CCZ1: variants seen among roughly 807,000 people sequenced by gnomAD.
CCZ1 encodes the protein vacuolar fusion protein CCZ1 homolog.
A neutral mutation model predicts 57.8 loss-of-function variants in CCZ1; 19 were observed. The observed-to-expected ratio is 0.33, with a 90% CI of 0.23 to 0.48. The LOEUF (loss-of-function observed/expected upper bound fraction) is 0.48, where lower values mean the gene tolerates loss of function less well. Ranked by LOEUF, CCZ1 falls within the 20% of genes least tolerant of loss-of-function variation. The pLI, the probability that CCZ1 is intolerant of heterozygous loss-of-function variation, is 0.99. For synonymous variants in CCZ1, 81 were observed against 167.0 expected (o/e 0.49, Z 3.97); for missense variants, 200 against 492.0 (o/e 0.41, Z 5.61).
chr7:5,916,731 TG>T (rs1779157429), intron 10 of CCZ1, among the ~76,000 whole-genome samples: 1 of 146,514 alleles, frequency 6.8e-6, no homozygotes, highest in Non-Finnish European at 1.5e-5. Flanking sequence ...TGGCCCCACA[TG>T]GCCAGCCTTA....
intron 1 of CCZ1, among the ~76,000 whole-genome samples, chr7:5,899,343 G>GTGTGTA: frequency 8.1e-5 from 1 of 12,306 alleles, no homozygotes; most frequent in African/African-American, 2.5e-4. Flanking sequence ...GGGTGTGTGT[G>GTGTGTA]TGTGTGTGTG....
chr7:5,902,705 C>G lies in CCZ1; in HGVS notation c.483C>G (p.Val161=), dbSNP rs957369411. The G allele has an allele frequency of 6.3e-7, 1 of 1,592,774 alleles. No individual in the cohort carries two copies. The change falls in exon 6 of 15, where the codon GTC becomes GTG. Residue 161 remains valine (V), a synonymous_variant. Transcript: ENST00000325974. ...TGAAAGCCATGGAAGACGGAGGCGT[C>G]AAGCTTCTGAAAGAAAGATTAGAGA... ...TFLKAMEDGG[V]KLLKERLEKF...
At chr7:5,903,230 C>A (rs1781723978) in intron 6 of CCZ1, among the ~76,000 whole-genome samples, 1 of 146,878 alleles carries the variant, frequency 6.8e-6, no homozygotes, top group South Asian at 2.3e-4. Context: ...CAAGTGCTGT[C>A]CTCTTTCGTT....
intron 7 of CCZ1, among the ~76,000 whole-genome samples, chr7:5,907,971 G>A (rs1781874583): frequency 7.0e-6 from 1 of 143,396 alleles, no homozygotes. Flanking sequence ...GCATTGTGGT[G>A]TGCACTTAGA....
chr7:5,916,623 G>T (rs62441804), intron 10 of CCZ1, among the ~76,000 whole-genome samples: 98,788 of 142,774 alleles, frequency 0.69, 30,525 homozygotes, highest in Middle Eastern at 0.72. Flanking sequence ...CCCCATCGAG[G>T]ATGTGTGGCT....
intron 9 of CCZ1, 104 bp from the exon 10 acceptor site, chr7:5,912,739 A>G: frequency 1.6e-6 from 2 of 1,242,132 alleles, no homozygotes; most frequent in Non-Finnish European, 2.4e-6. Context: ...AGCACCTGGC[A>G]TCAAAAGCAA....
chr7:5,900,778 C>T, intron 3 of CCZ1, 77 bp from the exon 4 acceptor site: 1 of 1,575,334 alleles, frequency 6.3e-7, no homozygotes, highest in Non-Finnish European at 8.6e-7. Flanking sequence ...GTAGCATGTT[C>T]AAAGTTTTTA....
chr7:5,901,610 T>C, intron 4 of CCZ1, 47 bp from the exon 5 acceptor site: 1 of 1,565,888 alleles, frequency 6.4e-7, no homozygotes. Context: ...CAGTAGACAT[T>C]GTTTTTCCCT....
At chr7:5,916,704 G>T (rs1293891698) in intron 10 of CCZ1, among the ~76,000 whole-genome samples, 1 of 147,432 alleles carries the variant, frequency 6.8e-6, no homozygotes, top group African/African-American at 2.7e-5. Context: ...ATTGGGGGTT[G>T]GCCACAGAGA....
chr7:5,904,796 A>G (rs1364822052), intron 6 of CCZ1, among the ~76,000 whole-genome samples: 1 of 147,996 alleles, frequency 6.8e-6, no homozygotes, highest in Non-Finnish European at 1.5e-5. Flanking sequence ...GCACCACTGC[A>G]CTCCAGCCTG....
At chr7:5,911,295 C>G (rs1355871964) in intron 8 of CCZ1, among the ~76,000 whole-genome samples, 1 of 148,882 alleles carries the variant, frequency 6.7e-6, no homozygotes, top group African/African-American at 2.5e-5. Flanking sequence ...TGAACTCACT[C>G]TCTTCGCTTG....
chr7:5,922,597 GTCACAGACTCTGACCTGGGAGGC>G (rs1779262263), intron 12 of CCZ1, among the ~76,000 whole-genome samples: 4 of 149,378 alleles, frequency 2.7e-5, no homozygotes, highest in African/African-American at 1.0e-4. Flanking sequence ...CCCCGAGGAG[GTCACAGACTCTGACCTGGGAGGC>G]AGCGTCGTAG....
At chr7:5,904,943 A>G (rs1781768305) in intron 6 of CCZ1, 151 bp from the exon 7 acceptor site, 3 of 1,102,330 alleles carry the variant, frequency 2.7e-6, no homozygotes, top group Non-Finnish European at 3.8e-6. Context: ...TCAGTTACCC[A>G]TGTCTTCACC....
rs1308776552 is a variant in CCZ1, at chr7:5,916,748, C to T, written c.955-2119C>T. Reference sequence around the variant, plus strand: ...GCCCCACATGGCCAGCCTTAGTCTCCAGCCCTCCAGAGGTGGAGCGGGTGC... The same window carrying T: ...GCCCCACATGGCCAGCCTTAGTCTCTAGCCCTCCAGAGGTGGAGCGGGTGC... On this transcript the variant is annotated intron_variant, in intron 10 of 14. Coordinates refer to ENST00000325974, the MANE Select transcript of CCZ1 (RefSeq NM_015622.6). Among the ~76,000 whole-genome samples, 4 of 145,636 alleles carry T rather than the reference C, an allele frequency of 2.7e-5. 1 individual carries two copies. Among genetic ancestry groups the T allele is most frequent in the African/African-American group, 5.5e-5 (2 of 36,644 alleles).
chr7:5,910,318 C>T (rs1414390652), intron 8 of CCZ1: 3 of 455,334 alleles, frequency 6.6e-6, no homozygotes, highest in African/African-American at 2.0e-5. Flanking sequence ...AGATGTGATA[C>T]AGAAAGCATC....
chr7:5,926,001 C>G lies in CCZ1; in HGVS notation c.*314C>G. On this transcript the variant is annotated 3_prime_UTR_variant, in exon 15 of 15. Coordinates refer to ENST00000325974, the MANE Select transcript of CCZ1 (RefSeq NM_015622.6). Reference sequence around the variant, plus strand: ...TCTGGTTTGGTGTTGAGTCTCTCTCCTGCTGCCTATTTATAGATTACACTG... The same window carrying G: ...TCTGGTTTGGTGTTGAGTCTCTCTCGTGCTGCCTATTTATAGATTACACTG... 2.1e-6 allele frequency: 1 copy of G among 487,752 alleles called. No individual in the cohort carries two copies. Among genetic ancestry groups the G allele is most frequent in the Non-Finnish European group, 3.8e-6 (1 of 263,344 alleles). The allele number at this position is 487,752 out of a possible 1,614,324, so 30.2% of individuals were successfully genotyped here.
Position 5,923,044 on chromosome 7 carries a change from C to T in CCZ1, c.1107-343C>T, listed in dbSNP as rs1320027916. 1.8e-3 allele frequency among the ~76,000 whole-genome samples: 245 copies of T among 136,378 alleles called. 2 individuals are homozygous for T. Among genetic ancestry groups the T allele is most frequent in the Non-Finnish European group, 2.8e-3 (180 of 64,022 alleles). The allele number at this position is 136,378 out of a possible 152,430, so 89.5% of individuals were successfully genotyped here. A position where few individuals can be genotyped will look rare whatever the true frequency, so the allele number is the denominator to read the frequency against. ...TTAGAAAAAGAGGGCCAGGGCCGGG[C>T]GCGGGGGCTCACGCCTGTAATCCCT... On this transcript the variant is annotated intron_variant, in intron 12 of 14. Coordinates refer to ENST00000325974, the MANE Select transcript of CCZ1 (RefSeq NM_015622.6).
At chr7:5,903,953 C>T (rs62453579) in intron 6 of CCZ1, among the ~76,000 whole-genome samples, 17,006 of 140,346 alleles carry the variant, frequency 0.12, 1,620 homozygotes, top group Non-Finnish European at 0.16. Flanking sequence ...GAGATCACAC[C>T]GCTGCACTCC....
chr7:5,916,487 GTTTTTGTTTTGT>G (rs1416632643), intron 10 of CCZ1, among the ~76,000 whole-genome samples: 5 of 53,578 alleles, frequency 9.3e-5, no homozygotes, highest in African/African-American at 3.6e-4. Context: ...GGTTTTTTGG[GTTTTTGTTTTGT>G]TTTTTGTTTT....
Sources: allele counts gnomAD v4.1 joint callset (sites outside exome capture counted in the v4.1 genomes callset), GRCh38; gene constraint gnomAD v4.1.1; transcripts MANE v1.5; gene names NCBI Gene and HGNC (gene_info 2026-07-23, HGNC 2026-07-21).